The following UBE3B variants were observed in gnomAD, a reference collection of about 807,000 sequenced individuals.
The protein encoded by UBE3B is ubiquitin protein ligase E3B, also known as ubiquitin-protein ligase E3B.
Under a neutral mutation model 132.3 loss-of-function variants are expected in UBE3B, and 80 were observed. The ratio of observed to expected loss-of-function variants is 0.60; its 90% CI spans 0.50 to 0.73. The LOEUF is 0.73. Ranked by LOEUF, UBE3B falls within the 30% of genes least tolerant of loss-of-function variation. UBE3B has a pLI of 0.00. For missense variants in UBE3B, 1,196 were observed against 1,362.5 expected (o/e 0.88, Z 1.92); for synonymous variants, 487 against 520.4 (o/e 0.94, Z 0.87).
At chr12:109,524,231 G>A (rs750706247) in intron 22 of UBE3B, 116 bp downstream of exon 22, 6 of 1,449,062 alleles carry the variant, frequency 4.1e-6, no homozygotes, top group South Asian at 2.6e-5. Context: ...GCTGCTACAG[G>A]CCCCTCACAT....
chr12:109,531,628 A>G (rs1367319597), intron 26 of UBE3B, among the ~76,000 whole-genome samples: 1 of 152,110 alleles, frequency 6.6e-6, no homozygotes, highest in African/African-American at 2.4e-5. Flanking sequence ...CATTCTGAGG[A>G]GAGTTTATTC....
chr12:109,537,906 G>A (rs762730707), downstream of UBE3B, among the ~76,000 whole-genome samples: 10 of 152,072 alleles, frequency 6.6e-5, no homozygotes, highest in South Asian at 6.2e-4. Context: ...GGGTTTCACC[G>A]TGTTAGCCAG....
In UBE3B at chr12:109,503,308, C is replaced by T. The variant is rs1327572641; in HGVS notation, c.1450+118C>T. 1.4e-5 allele frequency: 18 copies of T among 1,326,278 alleles called. No individual in the cohort carries two copies. The East Asian group carries it at 2.7e-4, about 20-fold the overall frequency. The allele number at this position is 1,326,278 out of a possible 1,614,324, so 82.2% of individuals were successfully genotyped here. ...TCTGAAAATAGATTCTGAAGGAGGG[C>T]ATTTTTGAGCTGTTCCTCTTAGAGA... On this transcript the variant is annotated intron_variant, in intron 14 of 27. Transcript: ENST00000342494.
At chr12:109,539,541 C>G (rs569994424), downstream of UBE3B, among the ~76,000 whole-genome samples, 3 of 152,332 alleles carry the variant, frequency 2.0e-5, no homozygotes, top group East Asian at 5.8e-4. Flanking sequence ...TTTCCTCTTC[C>G]ATGAAACGAG....
intron 5 of UBE3B, 125 bp downstream of exon 5, chr12:109,486,196 A>G: frequency 5.9e-6 from 6 of 1,022,976 alleles, no homozygotes; most frequent in Non-Finnish European, 8.5e-6. Flanking sequence ...TGGATGGAAA[A>G]CATTACCAAA....
intron 24 of UBE3B, among the ~76,000 whole-genome samples, chr12:109,527,068 G>A (rs752846938): frequency 5.3e-5 from 8 of 152,028 alleles, no homozygotes; most frequent in African/African-American, 1.9e-4. Flanking sequence ...ACACCTTGGC[G>A]GGGAGGGGCA....
chr12:109,534,421 G>T lies in UBE3B; in HGVS notation c.3016-170G>T, dbSNP rs1276262292. The T allele has an allele frequency of 2.8e-6, 4 of 1,419,286 alleles. No individual in the cohort carries two copies. The highest frequency in any genetic ancestry group is 3.7e-6 in the Non-Finnish European group (4 of 1,090,574). The allele number at this position is 1,419,286 out of a possible 1,614,324, so 87.9% of individuals were successfully genotyped here. A position where few individuals can be genotyped will look rare whatever the true frequency, so the allele number is the denominator to read the frequency against. ...GGGGTTCCTTCTCTGGAAGCCAGTC[G>T]TCTTGTGTCTGGGGCTTGACCTCGG... On this transcript the variant is annotated intron_variant, in intron 27 of 27. Coordinates refer to ENST00000342494, the MANE Select transcript of UBE3B (RefSeq NM_130466.4). This position sits in a 1 kb window ranked among gnomAD's most constrained non-coding sequence, Gnocchi z 5.2.
intron 1 of UBE3B, among the ~76,000 whole-genome samples, chr12:109,480,650 TA>T (rs35317381): frequency 2.8e-3 from 394 of 142,244 alleles, no homozygotes; most frequent in Middle Eastern, 3.7e-3. Flanking sequence ...GACCCTGCCT[TA>T]AAAAAAAAAA....
chr12:109,533,118 C>G (rs1309075349), intron 26 of UBE3B, among the ~76,000 whole-genome samples: 2 of 152,136 alleles, frequency 1.3e-5, no homozygotes, highest in African/African-American at 2.4e-5. Flanking sequence ...CTCTGTTCCT[C>G]TTAACAATCC....
intron 18 of UBE3B, among the ~76,000 whole-genome samples, chr12:109,516,010 GT>G (rs1439423684): frequency 6.6e-6 from 1 of 152,066 alleles, no homozygotes; most frequent in Non-Finnish European, 1.5e-5. Flanking sequence ...AGTAGGAAAA[GT>G]TATCTTTGAA....
At position 109,489,977 on chromosome 12, in the gene UBE3B, C is replaced by T; in HGVS notation, c.603C>T (p.Asn201=). The change falls in exon 8 of 28, where the codon AAC becomes AAT. Residue 201 remains asparagine (N), a synonymous_variant. Coordinates refer to ENST00000342494, the MANE Select transcript of UBE3B (RefSeq NM_130466.4). ...GTGCAAATATAATGGGACATCTCAA[C>T]CAGCATGGATTTTATTCTGTGCTGC... ...HICANIMGHL[N]QHGFYSVLQI... The T allele has an allele frequency of 6.2e-7, 1 of 1,614,208 alleles. No homozygotes were observed.
Position 109,507,652 on chromosome 12 carries a change from A to G in UBE3B, c.1539A>G (p.Glu513=). 1 of 1,614,178 alleles carries G rather than the reference A, an allele frequency of 6.2e-7. No individual in the cohort carries two copies. Among genetic ancestry groups the G allele is most frequent in the African/African-American group, 1.3e-5 (1 of 75,044 alleles). The change falls in exon 15 of 28, where the codon GAA becomes GAG. Residue 513 remains glutamate, a synonymous_variant. Transcript: ENST00000342494. ...ACGGAGGGTTAAAGCTCTTCTTGGA[A>G]TGCCTGAACAATGACACTGAAGAGT... The part of the protein sequence containing the change: ...GPHGGLKLFL[E]CLNNDTEESK...
chr12:109,490,210 C>T, intron 8 of UBE3B: 1 of 867,662 alleles, frequency 1.2e-6, no homozygotes, highest in Non-Finnish European at 1.9e-6. Flanking sequence ...GCTGGGATCC[C>T]TTGAATGCTC....
At chr12:109,497,413 C>T (rs1878352277) in intron 9 of UBE3B, among the ~76,000 whole-genome samples, 1 of 152,024 alleles carries the variant, frequency 6.6e-6, no homozygotes, top group Non-Finnish European at 1.5e-5. Flanking sequence ...TGGTGAGTTA[C>T]CACAGAGTGA....
At chr12:109,519,679 G>T (rs11067039) in intron 19 of UBE3B, 1 of 152,284 alleles carries the variant, frequency 6.6e-6, no homozygotes, top group East Asian at 1.9e-4. Flanking sequence ...TTAAATTTAG[G>T]CAGAATGGTT....
chr12:109,520,765 C>G, intron 19 of UBE3B: 2 of 140,982 alleles, frequency 1.4e-5, no homozygotes, highest in East Asian at 2.1e-4. Flanking sequence ...TTTCTTTTTT[C>G]TTTTTTTTAC....
chr12:109,498,499 TA>T, intron 11 of UBE3B, 146 bp downstream of exon 11: 1 of 930,214 alleles, frequency 1.1e-6, no homozygotes, highest in Non-Finnish European at 1.6e-6. Context: ...GATAGACAGT[TA>T]AAATAGACAT....
intron 21 of UBE3B, among the ~76,000 whole-genome samples, chr12:109,523,314 G>A (rs1021522286): frequency 6.6e-6 from 1 of 152,182 alleles, no homozygotes; most frequent in Non-Finnish European, 1.5e-5. Context: ...CCTCTCGCCA[G>A]CCCATTCCCC....
chr12:109,547,780 C>T, the UBE3B span, among the ~76,000 whole-genome samples: 1 of 152,090 alleles, frequency 6.6e-6, no homozygotes, highest in Non-Finnish European at 1.5e-5. The surrounding 1 kb of genome is among the most constrained non-coding windows in gnomAD (Gnocchi z 4.1). Flanking sequence ...CCCCACGGTG[C>T]GCGTGCTCCC....
Sources: gnomAD v4.1 joint callset for allele counts (sites outside exome capture counted in the v4.1 genomes callset) on GRCh38, gnomAD v4.1.1 for gene constraint, Gnocchi (gnomAD v3.1) non-coding constraint, MANE v1.5 for transcripts, NCBI Gene and HGNC (gene_info 2026-07-23, HGNC 2026-07-21) for gene names.